The following CD99L2 variants were observed in gnomAD, a reference collection of about 807,000 sequenced individuals.
CD99L2 encodes the protein CD99 antigen-like protein 2.
Under a neutral mutation model 27.3 loss-of-function variants are expected in CD99L2, and 24 were observed. The ratio of observed to expected loss-of-function variants is 0.88; its 90% CI spans 0.64 to 1.24. The LOEUF is 1.24. CD99L2 is among the 50% of genes most tolerant of loss of function. The pLI, the probability that CD99L2 is intolerant of heterozygous loss-of-function variation, is 0.00. For missense variants in CD99L2, 255 were observed against 221.6 expected (o/e 1.15, Z -0.96); for synonymous variants, 97 against 87.9 (o/e 1.10, Z -0.58).
chrX:150,846,116 C>T (rs782770982), intron 1 of CD99L2, among the ~76,000 whole-genome samples: 11 of 112,371 alleles, frequency 9.8e-5, no homozygotes, highest in Non-Finnish European at 2.1e-4. Flanking sequence ...CGCTTGAACC[C>T]GGAAGGCGGA....
chrX:150,887,449 GAAAT>G (rs200189117), intron 1 of CD99L2, among the ~76,000 whole-genome samples: 2,155 of 98,313 alleles, frequency 0.022, 29 homozygotes, highest in African/African-American at 0.026. Flanking sequence ...TCCGTCTCCA[GAAAT>G]AAATAAATAA....
At position 150,769,055 on chromosome X, in the gene CD99L2, C is replaced by T. The variant is rs7877654; in HGVS notation, c.768G>A (p.Pro256=). ...GCCCTCAGATCCGGGCTGGTTCGGG[C>T]GGCGGCGGCGGCTCTGCAGACTGCG... ...LHTQSAEPPP[P]PEPARI is the part of the protein sequence containing the mutation. Residue 256 remains proline (P), a synonymous_variant, in exon 11 of 11, where the codon CCG becomes CCA. Coordinates refer to ENST00000370377, the MANE Select transcript of CD99L2 (RefSeq NM_031462.4). 6.6e-3 allele frequency: 7,544 copies of T among 1,145,336 alleles called. 178 individuals are homozygous for T. The African/African-American group carries it at 0.091, about 14-fold the overall frequency. 94.4% of individuals were successfully genotyped at this position (1,145,336 alleles called of 1,213,427 possible).
At chrX:150,775,137 G>A (rs1205051600) in intron 9 of CD99L2, among the ~76,000 whole-genome samples, 1 of 112,465 alleles carries the variant, frequency 8.9e-6, no homozygotes, top group Non-Finnish European at 1.9e-5. Context: ...AGCATCTTGG[G>A]ACCCAGGTTA....
chrX:150,796,534 G>A (rs2045800542), intron 4 of CD99L2, among the ~76,000 whole-genome samples: 2 of 112,316 alleles, frequency 1.8e-5, no homozygotes, highest in African/African-American at 3.2e-5. Context: ...GGAGAAATAA[G>A]CAAATGCACA....
At chrX:150,813,435 G>A (rs1467949808) in intron 4 of CD99L2, among the ~76,000 whole-genome samples, 1 of 111,535 alleles carries the variant, frequency 9.0e-6, no homozygotes, top group Non-Finnish European at 1.9e-5. Context: ...TAAAAAGTAG[G>A]TAAACAGAAA....
At chrX:150,866,612 T>C (rs2047065352) in intron 1 of CD99L2, among the ~76,000 whole-genome samples, 1 of 111,480 alleles carries the variant, frequency 9.0e-6, no homozygotes, top group African/African-American at 3.3e-5. Flanking sequence ...AAAAATATAG[T>C]TAGAAAGATT....
At chrX:150,819,018 C>A (rs1465516878) in intron 2 of CD99L2, 3 of 313,309 alleles carry the variant, frequency 9.6e-6, no homozygotes, top group South Asian at 3.3e-5. Flanking sequence ...AGAACTTCAA[C>A]CTGAAGCATA....
chrX:150,869,085 T>C (rs953961165), intron 1 of CD99L2, among the ~76,000 whole-genome samples: 3 of 112,199 alleles, frequency 2.7e-5, no homozygotes, highest in Non-Finnish European at 5.6e-5. Flanking sequence ...CCGATGATGG[T>C]CCCTGTGAAA....
At chrX:150,804,580 G>A (rs782319953) in intron 4 of CD99L2, among the ~76,000 whole-genome samples, 23 of 110,700 alleles carry the variant, frequency 2.1e-4, no homozygotes, top group Admixed American at 5.8e-4. Context: ...TGGCCAACAT[G>A]GTGAAACCCC....
chrX:150,787,230 T>C (rs2045608436), intron 7 of CD99L2, among the ~76,000 whole-genome samples: 1 of 112,150 alleles, frequency 8.9e-6, no homozygotes, highest in Non-Finnish European at 1.9e-5. Flanking sequence ...TGAGGTCCCA[T>C]GTGTGGATTT....
At chrX:150,769,680 C>G (rs782100502) in intron 10 of CD99L2, among the ~76,000 whole-genome samples, 4 of 86,596 alleles carry the variant, frequency 4.6e-5, no homozygotes, top group South Asian at 4.1e-4. Flanking sequence ...TCCCTGCCTG[C>G]GCCACCAGGC....
At position 150,807,743 on chromosome X, in the gene CD99L2, C is replaced by CTG. The variant is rs200483557; in HGVS notation, c.277+7117_277+7118dup. 3.6e-5 allele frequency among the ~76,000 whole-genome samples: 4 copies of CTG among 112,231 alleles called. No homozygotes were observed. The Admixed American group carries it at 3.8e-4, about 11-fold the overall frequency. ...TACCTTTTCAGATCTGCCTGCAGGC[C>CTG]TGTGTGTGTGTGCTCACATCCACTT... On this transcript the variant is annotated intron_variant, in intron 4 of 10. Transcript: ENST00000370377.
intron 7 of CD99L2, among the ~76,000 whole-genome samples, chrX:150,778,238 G>A (rs1557419339): frequency 9.0e-6 from 1 of 110,608 alleles, no homozygotes; most frequent in African/African-American, 3.3e-5. Flanking sequence ...AGCCACTGGT[G>A]CCATTTCAGT....
intron 1 of CD99L2, among the ~76,000 whole-genome samples, chrX:150,869,818 G>GT (rs1330706408): frequency 9.1e-6 from 1 of 110,300 alleles, no homozygotes; most frequent in African/African-American, 3.3e-5. Flanking sequence ...TAAGCAAGTA[G>GT]TTTTAAAAAA....
chrX:150,864,058 T>C (rs2047022303), intron 1 of CD99L2, among the ~76,000 whole-genome samples: 1 of 112,170 alleles, frequency 8.9e-6, no homozygotes, highest in African/African-American at 3.2e-5. Context: ...GCCACCCAGT[T>C]TGTGATACTT....
intron 1 of CD99L2, among the ~76,000 whole-genome samples, chrX:150,878,047 A>G (rs905965099): frequency 3.7e-5 from 4 of 108,133 alleles, no homozygotes; most frequent in African/African-American, 1.4e-4. Context: ...CTTAGAGAAC[A>G]TAGTAGGGGG....
At chrX:150,845,532 T>C (rs1165055870) in intron 1 of CD99L2, among the ~76,000 whole-genome samples, 2 of 110,810 alleles carry the variant, frequency 1.8e-5, no homozygotes, top group Non-Finnish European at 3.8e-5. Flanking sequence ...AGAGATCAGA[T>C]GTCCTTTTTA....
rs190713629 is a variant in CD99L2 at position 150,797,554 on chromosome X, T to G, written c.278-2068A>C. ...TCCCTACCAAAATCCCAATGACATT[T>G]GTTGCAGAAATAGACAAATTCATCC... On this transcript the variant is annotated intron_variant, in intron 4 of 10. Coordinates refer to ENST00000370377, the MANE Select transcript of CD99L2 (RefSeq NM_031462.4). 6.2e-5 allele frequency among the ~76,000 whole-genome samples: 7 copies of G among 112,630 alleles called. No homozygotes were observed. The East Asian group carries it at 1.9e-3, about 31-fold the overall frequency.
At chrX:150,790,233 T>C (rs781858039) in intron 7 of CD99L2, among the ~76,000 whole-genome samples, 5 of 109,986 alleles carry the variant, frequency 4.5e-5, no homozygotes, top group African/African-American at 1.7e-4. Flanking sequence ...ATCAAGGGCA[T>C]GTACAGAAGT....
Sources: gnomAD v4.1 joint callset for allele counts (sites outside exome capture counted in the v4.1 genomes callset) on GRCh38, gnomAD v4.1.1 for gene constraint, MANE v1.5 for transcripts, NCBI Gene and HGNC (gene_info 2026-07-23, HGNC 2026-07-21) for gene names.